The following ARHGAP26 variants were observed in gnomAD, a reference collection of about 807,000 sequenced individuals.
ARHGAP26 encodes the protein rho GTPase-activating protein 26.
Under a neutral mutation model 104.8 loss-of-function variants are expected in ARHGAP26, and 38 were observed. That is an observed-to-expected ratio of 0.36 (90% confidence interval 0.28 to 0.48). The LOEUF is 0.48. Ranked by LOEUF, ARHGAP26 falls within the 20% of genes least tolerant of loss-of-function variation. The pLI, the probability that ARHGAP26 is intolerant of heterozygous loss-of-function variation, is 0.99. For synonymous variants in ARHGAP26, 341 were observed against 340.0 expected (o/e 1.00, Z -0.03); for missense variants, 704 against 947.9 (o/e 0.74, Z 3.38).
At position 142,929,983 on chromosome 5, in the gene ARHGAP26, C is replaced by T. The variant is rs575437213; in HGVS notation, c.1029-2064C>T. 8.6e-4 allele frequency among the ~76,000 whole-genome samples: 131 copies of T among 152,272 alleles called. 1 individual carries two copies. Among genetic ancestry groups the T allele is most frequent in the Admixed American group, 4.6e-3 (70 of 15,294 alleles). On this transcript the variant is annotated intron_variant, in intron 10 of 22. Coordinates refer to ENST00000645722, the MANE Select transcript of ARHGAP26 (RefSeq NM_001135608.3). ...CCCAGGGTGTGGGCCTCAAACTTAA[C>T]TCTGCATCAAGATCACCTGGGGAGT...
intron 17 of ARHGAP26, among the ~76,000 whole-genome samples, chr5:143,109,481 G>A (rs1794494049): frequency 6.6e-6 from 1 of 151,572 alleles, no homozygotes; most frequent in Admixed American, 6.6e-5. Flanking sequence ...TTTTTAGACA[G>A]CGTCTTGCTC....
chr5:143,038,792 T>C (rs1040893155), intron 13 of ARHGAP26, among the ~76,000 whole-genome samples: 1 of 138,148 alleles, frequency 7.2e-6, no homozygotes, highest in African/African-American at 2.7e-5. Context: ...AACTCCCTGG[T>C]TCAAGGGATT....
chr5:142,810,951 C>T (rs971493102), intron 1 of ARHGAP26, among the ~76,000 whole-genome samples: 1 of 152,154 alleles, frequency 6.6e-6, no homozygotes, highest in African/African-American at 2.4e-5. Flanking sequence ...CTGTATTCAC[C>T]ATATTCTTGG....
intron 10 of ARHGAP26, among the ~76,000 whole-genome samples, chr5:142,923,923 G>A (rs1414172217): frequency 7.1e-6 from 1 of 141,098 alleles, no homozygotes; most frequent in Non-Finnish European, 1.5e-5. Flanking sequence ...GTGCAGTGGC[G>A]CAATCTCCGC....
chr5:143,096,194 C>T (rs539808434), intron 17 of ARHGAP26, among the ~76,000 whole-genome samples: 4 of 152,242 alleles, frequency 2.6e-5, no homozygotes, highest in African/African-American at 4.8e-5. Context: ...TAGTAAACTG[C>T]GTTATGCAGA....
chr5:143,017,219 A>T (rs1482560326), intron 12 of ARHGAP26, among the ~76,000 whole-genome samples: 6 of 152,374 alleles, frequency 3.9e-5, no homozygotes, highest in Non-Finnish European at 7.3e-5. Flanking sequence ...AGGAGCAGTT[A>T]ACAAAAGGGA....
chr5:142,785,207 T>C (rs533374708), intron 1 of ARHGAP26, among the ~76,000 whole-genome samples: 2 of 152,206 alleles, frequency 1.3e-5, no homozygotes, highest in Admixed American at 1.3e-4. Flanking sequence ...CGGGATTCCT[T>C]AGGATTTTTA....
chr5:142,803,970 C>G (rs1762519605), intron 1 of ARHGAP26, among the ~76,000 whole-genome samples: 1 of 151,626 alleles, frequency 6.6e-6, no homozygotes, highest in African/African-American at 2.4e-5. Context: ...TAGGTGCTTT[C>G]CACGCACTGT....
intron 11 of ARHGAP26, among the ~76,000 whole-genome samples, chr5:142,973,066 T>C (rs1772513773): frequency 6.6e-6 from 1 of 152,176 alleles, no homozygotes; most frequent in South Asian, 2.1e-4. Context: ...TGTTTTAGAT[T>C]GGTAATTCCC....
chr5:143,000,059 C>CT (rs1776983861), intron 11 of ARHGAP26, among the ~76,000 whole-genome samples: 1 of 152,176 alleles, frequency 6.6e-6, no homozygotes, highest in African/African-American at 2.4e-5. Context: ...TAATAAGATA[C>CT]TGCTACGCAT....
chr5:143,205,495 T>C (rs1808422059), intron 20 of ARHGAP26, among the ~76,000 whole-genome samples: 1 of 152,258 alleles, frequency 6.6e-6, no homozygotes, highest in Non-Finnish European at 1.5e-5. Context: ...TATTGTCATT[T>C]TCCCTTGCAA....
At chr5:143,054,912 C>CT (rs1387441983) in intron 15 of ARHGAP26, among the ~76,000 whole-genome samples, 2 of 152,354 alleles carry the variant, frequency 1.3e-5, no homozygotes, top group East Asian at 3.9e-4. Flanking sequence ...TAGTTTCATA[C>CT]TTTACACAGA....
intron 1 of ARHGAP26, among the ~76,000 whole-genome samples, chr5:142,778,264 T>C (rs1044483121): frequency 2.0e-5 from 3 of 152,242 alleles, no homozygotes; most frequent in African/African-American, 7.2e-5. Flanking sequence ...ATTAACAATA[T>C]GAATGAATGA....
chr5:143,108,502 T>C (rs958398158), intron 17 of ARHGAP26, among the ~76,000 whole-genome samples: 14 of 152,202 alleles, frequency 9.2e-5, no homozygotes, highest in Non-Finnish European at 1.9e-4. Flanking sequence ...ACAGGACATA[T>C]AGGTTTGTCA....
intron 14 of ARHGAP26, among the ~76,000 whole-genome samples, chr5:143,052,114 C>G (rs1785124299): frequency 6.6e-6 from 1 of 152,164 alleles, no homozygotes; most frequent in Admixed American, 6.5e-5. Flanking sequence ...ATTTTGTGAA[C>G]TTTTCAGAAA....
At chr5:142,821,544 T>C (rs77517434) in intron 1 of ARHGAP26, among the ~76,000 whole-genome samples, 4,841 of 152,200 alleles carry the variant, frequency 0.032, 192 homozygotes, top group African/African-American at 0.093. Flanking sequence ...TGCTGGGCCA[T>C]GGCTGGGAAT....
intron 19 of ARHGAP26, among the ~76,000 whole-genome samples, chr5:143,143,655 T>C (rs953806155): frequency 2.0e-5 from 3 of 152,188 alleles, no homozygotes; most frequent in African/African-American, 7.2e-5. Flanking sequence ...TGACTGTGTA[T>C]TATTCCCTTA....
At chr5:143,105,994 A>G (rs907453768) in intron 17 of ARHGAP26, among the ~76,000 whole-genome samples, 1 of 151,934 alleles carries the variant, frequency 6.6e-6, no homozygotes, top group Non-Finnish European at 1.5e-5. Context: ...CTTTTCGCAG[A>G]GTAGCAGGAC....
At chr5:143,005,871 G>A (rs544850886) in intron 11 of ARHGAP26, among the ~76,000 whole-genome samples, 1 of 152,186 alleles carries the variant, frequency 6.6e-6, no homozygotes, top group African/African-American at 2.4e-5. Flanking sequence ...CTTTTTATTG[G>A]GCCATTTTCT....
Sources: gnomAD v4.1 joint callset for allele counts (sites outside exome capture counted in the v4.1 genomes callset) on GRCh38, gnomAD v4.1.1 for gene constraint, MANE v1.5 for transcripts, NCBI Gene and HGNC (gene_info 2026-07-23, HGNC 2026-07-21) for gene names.